The following ATE1 variants were observed in gnomAD, a reference collection of about 807,000 sequenced individuals.
ATE1 encodes arginyl-tRNA--protein transferase 1.
A neutral mutation model predicts 70.5 loss-of-function variants in ATE1; 36 were observed. The observed-to-expected ratio is 0.51, with a 90% CI of 0.39 to 0.67. The LOEUF is 0.67. Ranked by LOEUF, ATE1 falls within the 30% of genes least tolerant of loss-of-function variation. The pLI, the probability that ATE1 is intolerant of heterozygous loss-of-function variation, is 0.00. For synonymous variants in ATE1, 232 were observed against 219.3 expected (o/e 1.06, Z -0.51); for missense variants, 593 against 629.5 (o/e 0.94, Z 0.62).
At chr10:121,760,562 C>G (rs1202993117) in intron 11 of ATE1, among the ~76,000 whole-genome samples, 1 of 152,182 alleles carries the variant, frequency 6.6e-6, no homozygotes, top group Non-Finnish European at 1.5e-5. Context: ...CAAAATGCTG[C>G]AATCTCATGA....
At chr10:121,752,403 G>C (rs1435307630) in intron 11 of ATE1, among the ~76,000 whole-genome samples, 2 of 151,300 alleles carry the variant, frequency 1.3e-5, no homozygotes, top group Non-Finnish European at 3.0e-5. Flanking sequence ...GCTAATTTTT[G>C]TATTTTTAGT....
chr10:121,750,731 T>C (rs1166860361), intron 11 of ATE1, among the ~76,000 whole-genome samples: 3 of 152,242 alleles, frequency 2.0e-5, no homozygotes, highest in African/African-American at 7.2e-5. Flanking sequence ...CATTATTTAC[T>C]GCTACATACA....
intron 9 of ATE1, among the ~76,000 whole-genome samples, chr10:121,838,384 G>A (rs1473188645): frequency 7.1e-6 from 1 of 141,640 alleles, no homozygotes; most frequent in African/African-American, 2.5e-5. Flanking sequence ...CTGCCTCTGT[G>A]CCCCTTGCAT....
intron 1 of ATE1, among the ~76,000 whole-genome samples, chr10:121,925,427 C>CAA (rs35309690): frequency 3.3e-4 from 39 of 118,728 alleles, no homozygotes; most frequent in East Asian, 2.2e-3. Flanking sequence ...AGCTCTGTCT[C>CAA]AAAAAAAAAA....
intron 11 of ATE1, among the ~76,000 whole-genome samples, chr10:121,789,630 T>C (rs1946354342): frequency 6.6e-6 from 1 of 152,104 alleles, no homozygotes; most frequent in African/African-American, 2.4e-5. Flanking sequence ...GTATATACTC[T>C]TAGTACACAG....
At chr10:121,754,959 T>C (rs555401082) in intron 11 of ATE1, among the ~76,000 whole-genome samples, 9 of 152,160 alleles carry the variant, frequency 5.9e-5, no homozygotes, top group Admixed American at 4.6e-4. Flanking sequence ...AAAGAAATAC[T>C]TGATGAACAC....
At chr10:121,888,797 T>C (rs986614329) in intron 7 of ATE1, among the ~76,000 whole-genome samples, 1 of 152,168 alleles carries the variant, frequency 6.6e-6, no homozygotes, top group Non-Finnish European at 1.5e-5. Flanking sequence ...TATACAGCGA[T>C]GAGAGTTAAC....
At chr10:121,756,665 G>C (rs901884208) in intron 11 of ATE1, among the ~76,000 whole-genome samples, 1 of 152,196 alleles carries the variant, frequency 6.6e-6, no homozygotes, top group Non-Finnish European at 1.5e-5. Context: ...CCAAGGCTTG[G>C]GGCTTCTACC....
chr10:121,812,313 C>T (rs972841654), intron 10 of ATE1, among the ~76,000 whole-genome samples: 5 of 151,986 alleles, frequency 3.3e-5, no homozygotes, highest in Non-Finnish European at 7.4e-5. Flanking sequence ...AACAGAGGCA[C>T]ACAAATACCA....
intron 8 of ATE1, among the ~76,000 whole-genome samples, chr10:121,862,468 TA>T (rs1411768389): frequency 6.6e-6 from 1 of 151,856 alleles, no homozygotes. Context: ...GTGATCCTCC[TA>T]CCTCAGCCTC....
intron 8 of ATE1, among the ~76,000 whole-genome samples, chr10:121,843,164 T>C (rs1948694266): frequency 2.6e-5 from 4 of 152,122 alleles, no homozygotes. Flanking sequence ...AGTCAGGTGC[T>C]TTTCTATATA....
intron 7 of ATE1, among the ~76,000 whole-genome samples, chr10:121,887,860 G>C (rs1236769056): frequency 6.6e-6 from 1 of 152,184 alleles, no homozygotes; most frequent in Non-Finnish European, 1.5e-5. Flanking sequence ...TCTTTACAGA[G>C]AGAAAGAATT....
intron 7 of ATE1, among the ~76,000 whole-genome samples, chr10:121,893,850 G>A (rs1236545837): frequency 6.6e-6 from 1 of 152,152 alleles, no homozygotes; most frequent in Admixed American, 6.5e-5. Context: ...AAGAGGAACA[G>A]AGGAAGGCTG....
intron 11 of ATE1, among the ~76,000 whole-genome samples, chr10:121,763,853 A>C (rs1372466387): frequency 1.3e-5 from 2 of 152,154 alleles, no homozygotes; most frequent in East Asian, 3.9e-4. Context: ...CACTCTACTA[A>C]AAATACAAAA....
chr10:121,915,891 AAAAAAAAAAC>A (rs1951632566), intron 3 of ATE1, among the ~76,000 whole-genome samples: 1 of 140,338 alleles, frequency 7.1e-6, no homozygotes, highest in African/African-American at 2.6e-5. Flanking sequence ...ACTCCATCTC[AAAAAAAAAAC>A]AAAACAAAAC....
chr10:121,778,132 G>A (rs1945822548), intron 11 of ATE1, among the ~76,000 whole-genome samples: 1 of 152,164 alleles, frequency 6.6e-6, no homozygotes, highest in Admixed American at 6.5e-5. Context: ...ATGCTCATGG[G>A]CACTGAAAAC....
At chr10:121,767,184 A>G (rs951791709) in intron 11 of ATE1, among the ~76,000 whole-genome samples, 3 of 152,208 alleles carry the variant, frequency 2.0e-5, no homozygotes, top group African/African-American at 7.2e-5. Flanking sequence ...ATCACCTGAC[A>G]CAATTCAGCA....
chr10:121,748,430 A>G (rs577800333), intron 11 of ATE1, among the ~76,000 whole-genome samples: 1 of 151,618 alleles, frequency 6.6e-6, no homozygotes, highest in East Asian at 1.9e-4. Context: ...CTTCCATTCT[A>G]TTTATTGAGA....
intron 11 of ATE1, 23 bp downstream of exon 11, chr10:121,790,146 G>T: frequency 6.2e-7 from 1 of 1,613,438 alleles, no homozygotes. Context: ...ATGATTTCCA[G>T]CTGAGCTCAG....
Sources: allele counts gnomAD v4.1 joint callset (sites outside exome capture counted in the v4.1 genomes callset), GRCh38; gene constraint gnomAD v4.1.1; transcripts MANE v1.5; gene names NCBI Gene and HGNC (gene_info 2026-07-23, HGNC 2026-07-21).